Variants in HOTAIR observed in about 807,000 individuals in gnomAD.
HOTAIR encodes the protein HOX transcript antisense RNA (non-protein coding).
chr12:53,963,887 C>T (rs1358025452), exon 7 of HOTAIR: 3 of 152,230 alleles, frequency 2.0e-5, no homozygotes, highest in African/African-American at 7.2e-5. Context: ...TTTCCCTTTT[C>T]CTCATGGAAC....
At chr12:53,970,129 C>G (rs1011290571) in intron 1 of HOTAIR, among the ~76,000 whole-genome samples, 1 of 152,262 alleles carries the variant, frequency 6.6e-6, no homozygotes, top group African/African-American at 2.4e-5. Flanking sequence ...ATGGCGCTGA[C>G]TGAGGACACC....
At chr12:53,972,665 T>C (rs1939167206) in intron 1 of HOTAIR, among the ~76,000 whole-genome samples, 1 of 152,140 alleles carries the variant, frequency 6.6e-6, no homozygotes. Context: ...TCTCTGCGGG[T>C]TGGAAGGGTA....
chr12:53,974,585 G>A (rs1048431948), intron 1 of HOTAIR, among the ~76,000 whole-genome samples: 1 of 152,128 alleles, frequency 6.6e-6, no homozygotes, highest in African/African-American at 2.4e-5. Flanking sequence ...CCAGGCGGGG[G>A]TCTGGGCGTT....
rs374695143 is a variant in HOTAIR, at chr12:53,973,426, C to G, written n.59+1472G>C. On this transcript the variant is annotated intron_variant and non_coding_transcript_variant, in intron 1 of 6. Coordinates refer to ENST00000424518, the Ensembl canonical transcript of HOTAIR. This position sits in a 1 kb window ranked among gnomAD's most constrained non-coding sequence, Gnocchi z 4.3. ...GCCCCCTCTCGTCAGATCTCCTATC[C>G]CTACTCGGCCCAAGTGCCCCCGGTC... The G allele has an allele frequency of 5.6e-6, 9 of 1,614,224 alleles. No individual in the cohort carries two copies. Among genetic ancestry groups the G allele is most frequent in the Non-Finnish European group, 7.6e-6 (9 of 1,180,052 alleles).
In HOTAIR at chr12:53,973,993, G is replaced by A. The variant is rs1016457991; in HGVS notation, n.59+905C>T. 1.6e-6 allele frequency: 2 copies of A among 1,285,484 alleles called. No homozygotes were observed. Among genetic ancestry groups the A allele is most frequent in the South Asian group, 1.6e-5 (1 of 62,272 alleles). The allele number at this position is 1,285,484 out of a possible 1,614,324, so 79.6% of individuals were successfully genotyped here. ...GCGAGAGAGGGAGGGCGAGAGAAGG[G>A]GGGAGGCAAGGGGAGCGGGGACGGC... On this transcript the variant is annotated intron_variant and non_coding_transcript_variant, in intron 1 of 6. Coordinates refer to ENST00000424518, the Ensembl canonical transcript of HOTAIR. The surrounding 1 kb of genome is among the most constrained non-coding windows in gnomAD (Gnocchi z 4.3).
intron 1 of HOTAIR, among the ~76,000 whole-genome samples, chr12:53,971,726 A>T (rs908012952): frequency 3.3e-5 from 5 of 152,220 alleles, no homozygotes; most frequent in African/African-American, 1.2e-4. Context: ...CTTTCAGCTC[A>T]TGCTGGTTGC....
At chr12:53,972,915 CCT>C (rs1939171685) in intron 1 of HOTAIR, among the ~76,000 whole-genome samples, 1 of 151,976 alleles carries the variant, frequency 6.6e-6, no homozygotes, top group Admixed American at 6.5e-5. Flanking sequence ...CCACCCCAAC[CCT>C]CTCTCTCCTC....
chr12:53,972,139 C>A (rs545965474), intron 1 of HOTAIR, among the ~76,000 whole-genome samples: 1 of 152,336 alleles, frequency 6.6e-6, no homozygotes, highest in East Asian at 1.9e-4. Flanking sequence ...CTAGTCCCCC[C>A]CACCATATTC....
At chr12:53,970,558 T>C (rs1939132918) in intron 1 of HOTAIR, among the ~76,000 whole-genome samples, 1 of 149,740 alleles carries the variant, frequency 6.7e-6, no homozygotes, top group Non-Finnish European at 1.5e-5. Context: ...ATATCAACAC[T>C]AGAGAACATT....
In HOTAIR at chr12:53,973,625, C is replaced by T. The variant is rs143575026; in HGVS notation, n.59+1273G>A. 8 of 1,613,756 alleles carry T rather than the reference C, an allele frequency of 5.0e-6. No homozygotes were observed. Among genetic ancestry groups the T allele is most frequent in the South Asian group, 1.1e-5 (1 of 91,064 alleles). On this transcript the variant is annotated intron_variant and non_coding_transcript_variant, in intron 1 of 6. Transcript: ENST00000424518. This position sits in a 1 kb window ranked among gnomAD's most constrained non-coding sequence, Gnocchi z 4.3. The stretch of plus-strand genomic sequence containing the variant: ...CCTACGGCGGCCACCACCACCCCAG[C>T]GCCCCGCACGCAACCCCCGCCGGCT...
At chr12:53,970,240 G>C (rs1380046459) in intron 1 of HOTAIR, among the ~76,000 whole-genome samples, 1 of 152,210 alleles carries the variant, frequency 6.6e-6, no homozygotes, top group Non-Finnish European at 1.5e-5. Context: ...CACCAGATAA[G>C]ATACAAATAA....
At position 53,973,617 on chromosome 12, in the gene HOTAIR, C is replaced by T. The variant is rs767665670; in HGVS notation, n.59+1281G>A. 1.2e-6 allele frequency: 2 copies of T among 1,613,788 alleles called. No homozygotes were observed. Among genetic ancestry groups the T allele is most frequent in the Admixed American group, 3.3e-5 (2 of 60,020 alleles). On this transcript the variant is annotated intron_variant and non_coding_transcript_variant, in intron 1 of 6. Coordinates refer to ENST00000424518, the Ensembl canonical transcript of HOTAIR. This position sits in a 1 kb window ranked among gnomAD's most constrained non-coding sequence, Gnocchi z 4.3. The stretch of plus-strand genomic sequence containing the variant: ...CGAAGGCTCCTACGGCGGCCACCAC[C>T]ACCCCAGCGCCCCGCACGCAACCCC...
At chr12:53,963,548 T>C (rs1249943809) in exon 7 of HOTAIR, 4 of 152,224 alleles carry the variant, frequency 2.6e-5, no homozygotes, top group African/African-American at 9.7e-5. Flanking sequence ...GACGCCGCCA[T>C]ATTTTACAGT....
At chr12:53,972,396 C>T (rs1483933049) in intron 1 of HOTAIR, among the ~76,000 whole-genome samples, 1 of 152,194 alleles carries the variant, frequency 6.6e-6, no homozygotes, top group Non-Finnish European at 1.5e-5. Context: ...GAAGGTTTTT[C>T]CCAGACTTCG....
chr12:53,973,417 T>C lies in HOTAIR; in HGVS notation n.59+1481A>G. ...CTGCCCCAGGCCCCCTCTCGTCAGA[T>C]CTCCTATCCCTACTCGGCCCAAGTG... On this transcript the variant is annotated intron_variant and non_coding_transcript_variant, in intron 1 of 6. Coordinates refer to ENST00000424518, the Ensembl canonical transcript of HOTAIR. The surrounding 1 kb of genome is among the most constrained non-coding windows in gnomAD (Gnocchi z 4.3). 7 of 1,614,048 alleles carry C rather than the reference T, an allele frequency of 4.3e-6. No homozygotes were observed. The highest frequency in any genetic ancestry group is 5.9e-6 in the Non-Finnish European group (7 of 1,180,000).
chr12:53,963,769 G>C (rs545965699), exon 7 of HOTAIR: 2 of 152,218 alleles, frequency 1.3e-5, no homozygotes, highest in Admixed American at 6.5e-5. Flanking sequence ...TGGCTGACCC[G>C]AGCCGGGTGC....
At chr12:53,962,626 G>A (rs1444652767) in exon 7 of HOTAIR, 2 of 152,142 alleles carry the variant, frequency 1.3e-5, no homozygotes, top group African/African-American at 4.8e-5. Flanking sequence ...TTCATGAACT[G>A]TTTAAGACAC....
At chr12:53,972,071 C>G (rs2136374543) in intron 1 of HOTAIR, among the ~76,000 whole-genome samples, 1 of 152,314 alleles carries the variant, frequency 6.6e-6, no homozygotes, top group South Asian at 2.1e-4. Context: ...AGACCCATAC[C>G]TGGCCCCACC....
At chr12:53,964,511 T>C (rs998814000) in intron 5 of HOTAIR, among the ~76,000 whole-genome samples, 2 of 152,186 alleles carry the variant, frequency 1.3e-5, no homozygotes, top group East Asian at 1.9e-4. Flanking sequence ...AGTCTGGGAA[T>C]GTAAGAACGC....
Sources: allele counts gnomAD v4.1 joint callset (sites outside exome capture counted in the v4.1 genomes callset), GRCh38; gene constraint gnomAD v4.1.1; non-coding constraint Gnocchi (gnomAD v3.1); transcripts MANE v1.5; gene names NCBI Gene and HGNC (gene_info 2026-07-23, HGNC 2026-07-21).